Variants in DPP6 observed in about 807,000 individuals in gnomAD.
DPP6 encodes A-type potassium channel modulatory protein DPP6.
A neutral mutation model predicts 122.6 loss-of-function variants in DPP6; 69 were observed. The observed-to-expected ratio is 0.56, with a 90% confidence interval of 0.46 to 0.69. The LOEUF (loss-of-function observed/expected upper bound fraction) is 0.69, where lower values mean the gene tolerates loss of function less well. Among genes scored for constraint, DPP6 ranks in the 30% least tolerant of loss-of-function variants. The pLI, the probability that DPP6 is intolerant of heterozygous loss-of-function variation, is 0.00. For synonymous variants in DPP6, 418 were observed against 433.1 expected (o/e 0.97, Z 0.43); for missense variants, 928 against 1,116.9 (o/e 0.83, Z 2.41).
intron 17 of DPP6, among the ~76,000 whole-genome samples, chr7:154,859,268 G>A (rs541919217): frequency 6.6e-6 from 1 of 152,364 alleles, no homozygotes; most frequent in East Asian, 1.9e-4. Context: ...CTTCCAACCC[G>A]CGCTGTGGGG....
intron 1 of DPP6, among the ~76,000 whole-genome samples, chr7:154,109,344 G>C (rs1411007355): frequency 6.6e-6 from 1 of 151,922 alleles, no homozygotes; most frequent in African/African-American, 2.4e-5. Context: ...AGGCTGGACT[G>C]CTGTGGCACA....
Position 154,304,572 on chromosome 7 carries a change from T to C in DPP6, c.244-141642T>C, listed in dbSNP as rs1356824007. Among the ~76,000 whole-genome samples, 5 of 151,604 alleles carry C rather than the reference T, an allele frequency of 3.3e-5. No individual in the cohort carries two copies. The East Asian group carries it at 9.7e-4, about 29-fold the overall frequency. On this transcript the variant is annotated intron_variant, in intron 1 of 25. Transcript: ENST00000377770. ...CATCACACAGGCTGGAATGTTTTTTTTTTCCTCTCTCTCTCTCCCTGTCTT... is the reference window on the plus strand; with the variant it reads ...CATCACACAGGCTGGAATGTTTTTTCTTTCCTCTCTCTCTCTCCCTGTCTT...
At chr7:153,955,356 A>G (rs1372265413) in intron 1 of DPP6, among the ~76,000 whole-genome samples, 4 of 152,204 alleles carry the variant, frequency 2.6e-5, no homozygotes, top group Non-Finnish European at 4.4e-5. Flanking sequence ...AGTACTTAAC[A>G]TGGCCTATTT....
At chr7:154,344,658 G>A (rs556999043) in intron 1 of DPP6, among the ~76,000 whole-genome samples, 1 of 152,292 alleles carries the variant, frequency 6.6e-6, no homozygotes, top group South Asian at 2.1e-4. Context: ...TTTAGGGGCT[G>A]TGGAAGCTTG....
chr7:154,714,483 GA>G (rs1841367652), intron 7 of DPP6, among the ~76,000 whole-genome samples: 1 of 152,216 alleles, frequency 6.6e-6, no homozygotes, highest in Non-Finnish European at 1.5e-5. Context: ...GAGGCCTCAG[GA>G]AACTTACAAT....
intron 1 of DPP6, chr7:154,055,616 C>A (rs935253653): frequency 1.4e-4 from 21 of 152,124 alleles, no homozygotes; most frequent in African/African-American, 2.9e-4. Flanking sequence ...ACGTGTCTTG[C>A]AACTGCTGAC....
chr7:154,775,385 A>G (rs879059271), intron 10 of DPP6, among the ~76,000 whole-genome samples: 5 of 151,758 alleles, frequency 3.3e-5, no homozygotes, highest in South Asian at 2.1e-4. Flanking sequence ...TATGTGGACA[A>G]CTCTCCCCTG....
chr7:154,225,833 C>T (rs988336220), intron 1 of DPP6, among the ~76,000 whole-genome samples: 8 of 152,284 alleles, frequency 5.3e-5, no homozygotes, highest in African/African-American at 1.9e-4. Context: ...AATCCCCCAT[C>T]TACCAATACA....
intron 5 of DPP6, among the ~76,000 whole-genome samples, chr7:154,616,087 T>C (rs1409342210): frequency 6.6e-6 from 1 of 152,188 alleles, no homozygotes; most frequent in Non-Finnish European, 1.5e-5. Flanking sequence ...CCAGCTCAGC[T>C]TCCTGGGATG....
intron 3 of DPP6, among the ~76,000 whole-genome samples, chr7:154,538,297 G>A (rs1828431881): frequency 6.6e-6 from 1 of 152,088 alleles, no homozygotes; most frequent in Admixed American, 6.6e-5. Context: ...TGTAGCATAG[G>A]TAAATGTGTA....
intron 1 of DPP6, among the ~76,000 whole-genome samples, chr7:153,908,072 A>T (rs1799927802): frequency 6.6e-6 from 1 of 150,870 alleles, no homozygotes; most frequent in African/African-American, 2.4e-5. Flanking sequence ...GAAGACAACA[A>T]GAATTGATAC....
In DPP6 at chr7:154,835,217, T is replaced by C. The variant is rs189422075; in HGVS notation, c.1667-18563T>C. ...TGGACCCCGGATCTGATACGAGGGG[T>C]GGCCTTCCAAGAAGAGGAGAAGAGA... On this transcript the variant is annotated intron_variant, in intron 16 of 25. Transcript: ENST00000377770. Among the ~76,000 whole-genome samples the C allele has an allele frequency of 2.7e-4, 41 of 151,914 alleles. No individual in the cohort carries two copies. In the East Asian group the frequency reaches 7.2e-3, roughly 27 times the overall value.
At chr7:154,338,290 G>C (rs1231477035) in intron 1 of DPP6, among the ~76,000 whole-genome samples, 1 of 152,104 alleles carries the variant, frequency 6.6e-6, no homozygotes, top group Non-Finnish European at 1.5e-5. Context: ...GTATCTGAAA[G>C]GCCTTTTTTG....
intron 17 of DPP6, among the ~76,000 whole-genome samples, chr7:154,857,345 A>C (rs571229361): frequency 6.6e-6 from 1 of 152,172 alleles, no homozygotes; most frequent in South Asian, 2.1e-4. Flanking sequence ...AGTGCCTGAA[A>C]TCCCTTCCTT....
At chr7:154,516,339 C>A (rs745335555) in intron 3 of DPP6, among the ~76,000 whole-genome samples, 1 of 151,754 alleles carries the variant, frequency 6.6e-6, no homozygotes, top group Admixed American at 6.6e-5. Flanking sequence ...GCGCAAAGGA[C>A]TGGGAATGTC....
At chr7:154,462,751 C>T (rs1052450505) in intron 2 of DPP6, among the ~76,000 whole-genome samples, 2 of 151,896 alleles carry the variant, frequency 1.3e-5, no homozygotes, top group Non-Finnish European at 2.9e-5. Flanking sequence ...TTGCACCCAT[C>T]AACCCGTCAT....
chr7:154,328,018 C>T (rs959349676), intron 1 of DPP6, among the ~76,000 whole-genome samples: 1 of 152,176 alleles, frequency 6.6e-6, no homozygotes, highest in Non-Finnish European at 1.5e-5. Flanking sequence ...TCCTGAGACC[C>T]CTCTGGTGGA....
chr7:154,380,924 T>C (rs1053229189), intron 1 of DPP6, among the ~76,000 whole-genome samples: 1 of 152,266 alleles, frequency 6.6e-6, no homozygotes, highest in South Asian at 2.1e-4. Context: ...TGAGGAGAGA[T>C]GGTGTTATCA....
At chr7:154,278,857 T>C (rs1033588021) in intron 1 of DPP6, among the ~76,000 whole-genome samples, 2 of 151,138 alleles carry the variant, frequency 1.3e-5, no homozygotes, top group East Asian at 3.9e-4. Context: ...CGTGTGTGTT[T>C]GGTGTGTGTA....
Sources: allele counts gnomAD v4.1 joint callset (sites outside exome capture counted in the v4.1 genomes callset), GRCh38; gene constraint gnomAD v4.1.1; transcripts MANE v1.5; gene names NCBI Gene and HGNC (gene_info 2026-07-23, HGNC 2026-07-21).